The following MARCHF1 variants were observed in gnomAD, a reference collection of about 807,000 sequenced individuals.
MARCHF1 encodes the protein membrane associated ring-CH-type finger 1.
In MARCHF1, 40 loss-of-function variants were observed where a neutral mutation model predicts 54.2. That is an observed-to-expected ratio of 0.74 (90% CI 0.57 to 0.96). The LOEUF (loss-of-function observed/expected upper bound fraction) is 0.96, where lower values mean the gene tolerates loss of function less well. Ranked by LOEUF, MARCHF1 falls within the 40% of genes least tolerant of loss-of-function variation. The pLI is 0.00. For missense variants in MARCHF1, 586 were observed against 656.5 expected, an observed-to-expected ratio of 0.89 and a Z score of 1.17; for synonymous variants, 236 against 236.3, an observed-to-expected ratio of 1.00 and a Z score of 0.01.
intron 1 of MARCHF1, among the ~76,000 whole-genome samples, chr4:164,194,682 A>G (rs1046771696): frequency 1.3e-5 from 2 of 152,156 alleles, no homozygotes; most frequent in Non-Finnish European, 2.9e-5. Flanking sequence ...GGATTTTCAA[A>G]AGGGAGAAAA....
At chr4:163,855,921 G>A (rs1470921418) in intron 3 of MARCHF1, among the ~76,000 whole-genome samples, 1 of 152,200 alleles carries the variant, frequency 6.6e-6, no homozygotes, top group African/African-American at 2.4e-5. Context: ...AGGAATAGTA[G>A]TCATAAGAAG....
chr4:163,574,140 G>A (rs1014672758), intron 8 of MARCHF1, among the ~76,000 whole-genome samples: 15 of 151,902 alleles, frequency 9.9e-5, no homozygotes, highest in South Asian at 4.1e-4. Context: ...CATGTCCTTC[G>A]CCCACTTTTT....
At chr4:164,337,584 T>C (rs114115364) in intron 1 of MARCHF1, among the ~76,000 whole-genome samples, 121 of 152,338 alleles carry the variant, frequency 7.9e-4, no homozygotes, top group African/African-American at 2.8e-3. Context: ...TAGTAACCAA[T>C]CTGTGGACAA....
intron 1 of MARCHF1, among the ~76,000 whole-genome samples, chr4:164,269,546 T>C (rs949971192): frequency 2.0e-5 from 3 of 152,240 alleles, no homozygotes; most frequent in Admixed American, 6.5e-5. Flanking sequence ...ATTATAATCC[T>C]TACTTATTTC....
intron 4 of MARCHF1, among the ~76,000 whole-genome samples, chr4:163,782,257 A>G (rs1455082568): frequency 1.3e-5 from 2 of 152,242 alleles, no homozygotes; most frequent in Non-Finnish European, 2.9e-5. Flanking sequence ...ACTCTCTGGG[A>G]GGAGATAGAT....
At chr4:164,038,340 A>G (rs1754052846) in intron 2 of MARCHF1, among the ~76,000 whole-genome samples, 1 of 152,100 alleles carries the variant, frequency 6.6e-6, no homozygotes, top group African/African-American at 2.4e-5. Flanking sequence ...AAAAATACAA[A>G]AAAATTATCC....
chr4:163,846,788 A>T (rs1318280181), intron 4 of MARCHF1, among the ~76,000 whole-genome samples: 3 of 152,116 alleles, frequency 2.0e-5, no homozygotes, highest in Admixed American at 6.6e-5. Context: ...TTAATATACA[A>T]GATATTGTGC....
intron 4 of MARCHF1, among the ~76,000 whole-genome samples, chr4:163,747,032 A>G (rs1746383215): frequency 6.6e-6 from 1 of 152,200 alleles, no homozygotes; most frequent in Admixed American, 6.5e-5. Context: ...GCTGAGGTAA[A>G]GGGAACAAAG....
At chr4:164,161,761 A>G (rs1473342963) in intron 1 of MARCHF1, among the ~76,000 whole-genome samples, 1 of 152,102 alleles carries the variant, frequency 6.6e-6, no homozygotes, top group African/African-American at 2.4e-5. Flanking sequence ...TTGGCTCCCA[A>G]CTGTCTAAAC....
At chr4:163,592,128 T>C (rs1282283661) in intron 7 of MARCHF1, among the ~76,000 whole-genome samples, 5 of 152,150 alleles carry the variant, frequency 3.3e-5, no homozygotes, top group Non-Finnish European at 2.9e-5. Flanking sequence ...CCTTGAAAAC[T>C]CAAGTTCAAA....
intron 2 of MARCHF1, among the ~76,000 whole-genome samples, chr4:164,006,793 T>C (rs1472317237): frequency 6.6e-6 from 1 of 151,500 alleles, no homozygotes; most frequent in Non-Finnish European, 1.5e-5. Context: ...ACAGAAACCA[T>C]ACAGGTCAGA....
intron 8 of MARCHF1, among the ~76,000 whole-genome samples, chr4:163,572,829 G>C (rs940566329): frequency 6.6e-6 from 1 of 152,088 alleles, no homozygotes; most frequent in Non-Finnish European, 1.5e-5. Context: ...CTCAGCATCT[G>C]TCTACCTCCT....
intron 3 of MARCHF1, among the ~76,000 whole-genome samples, chr4:163,895,417 T>G (rs1560808505): frequency 6.6e-6 from 1 of 152,180 alleles, no homozygotes; most frequent in Non-Finnish European, 1.5e-5. Flanking sequence ...AGGATGATGT[T>G]TGGCAGATGA....
At chr4:164,107,807 G>A (rs1755739707) in intron 2 of MARCHF1, among the ~76,000 whole-genome samples, 1 of 82,878 alleles carries the variant, frequency 1.2e-5, no homozygotes, top group Non-Finnish European at 2.7e-5. Flanking sequence ...CTATCAAAAT[G>A]TCGATAATAC....
chr4:164,188,668 G>T (rs1560945565), intron 1 of MARCHF1: 9 of 1,106,106 alleles, frequency 8.1e-6, no homozygotes, highest in African/African-American at 3.1e-5. Flanking sequence ...ACGCCAAGTG[G>T]CTCATCGGCC....
At chr4:163,780,687 G>A (rs1291696599) in intron 4 of MARCHF1, among the ~76,000 whole-genome samples, 2 of 152,206 alleles carry the variant, frequency 1.3e-5, no homozygotes, top group African/African-American at 2.4e-5. Flanking sequence ...TGAAAAAAGT[G>A]TGCATAGCTA....
intron 8 of MARCHF1, among the ~76,000 whole-genome samples, chr4:163,548,958 G>T (rs1397916022): frequency 6.6e-6 from 1 of 152,184 alleles, no homozygotes. Context: ...GATAATCTGT[G>T]AAACTTTTCA....
At chr4:163,810,225 G>T (rs1748345782) in intron 4 of MARCHF1, among the ~76,000 whole-genome samples, 1 of 152,134 alleles carries the variant, frequency 6.6e-6, no homozygotes, top group Non-Finnish European at 1.5e-5. Flanking sequence ...ATAAATCCAT[G>T]GATGCCTACA....
intron 7 of MARCHF1, among the ~76,000 whole-genome samples, chr4:163,598,670 C>T (rs1428724343): frequency 1.3e-5 from 2 of 152,166 alleles, no homozygotes; most frequent in African/African-American, 2.4e-5. Flanking sequence ...GTGCACTTAC[C>T]ATGAATGGAG....
Sources: allele counts gnomAD v4.1 joint callset (sites outside exome capture counted in the v4.1 genomes callset), GRCh38; gene constraint gnomAD v4.1.1; transcripts MANE v1.5; gene names NCBI Gene and HGNC (gene_info 2026-07-23, HGNC 2026-07-21).